Variants in PCSK6 observed in about 807,000 individuals in gnomAD.
PCSK6 encodes the protein proprotein convertase subtilisin/kexin type 6, also known as paired basic amino acid cleaving enzyme 4.
PCSK6 carries 85 observed loss-of-function variants against 123.3 expected under a neutral mutation model. The observed-to-expected ratio is 0.69, with a 90% CI of 0.58 to 0.83. The LOEUF (loss-of-function observed/expected upper bound fraction) is 0.83, where lower values mean the gene tolerates loss of function less well. PCSK6 is among the 40% of genes least tolerant of loss of function. The pLI is 0.00. For missense variants in PCSK6, 1,191 were observed against 1,282.3 expected (o/e 0.93, Z 1.09); for synonymous variants, 508 against 516.0 (o/e 0.98, Z 0.21).
intron 11 of PCSK6, among the ~76,000 whole-genome samples, chr15:101,378,508 C>T (rs75868814): frequency 0.015 from 2,232 of 152,346 alleles, 44 homozygotes; most frequent in African/African-American, 0.038. Context: ...GGCCCTACCC[C>T]GTGTGGGCTC....
intron 1 of PCSK6, among the ~76,000 whole-genome samples, chr15:101,462,617 T>C (rs901041578): frequency 6.6e-6 from 1 of 152,118 alleles, no homozygotes; most frequent in African/African-American, 2.4e-5. Flanking sequence ...TGTATGCAAA[T>C]ACAGAACTTG....
intron 6 of PCSK6, among the ~76,000 whole-genome samples, chr15:101,406,269 C>T (rs1010411677): frequency 6.6e-5 from 10 of 152,110 alleles, no homozygotes; most frequent in East Asian, 1.9e-4. Context: ...CCCTCCTGCC[C>T]GGGGGGATAA....
At chr15:101,449,770 G>C (rs1022539665) in intron 1 of PCSK6, among the ~76,000 whole-genome samples, 1 of 152,146 alleles carries the variant, frequency 6.6e-6, no homozygotes, top group African/African-American at 2.4e-5. Context: ...AACTGCATGA[G>C]ATACCGAGAA....
chr15:101,470,992 C>T (rs1040317987), intron 1 of PCSK6, among the ~76,000 whole-genome samples: 29 of 152,186 alleles, frequency 1.9e-4, no homozygotes, highest in Non-Finnish European at 7.3e-5. Flanking sequence ...CCTACCTTGC[C>T]GTGCCAGGGG....
intron 9 of PCSK6, among the ~76,000 whole-genome samples, chr15:101,384,840 C>T (rs2042014027): frequency 6.6e-6 from 1 of 152,214 alleles, no homozygotes; most frequent in Admixed American, 6.5e-5. Context: ...GGCCGAGATT[C>T]CATCCTGTGT....
At chr15:101,325,143 A>T in intron 16 of PCSK6, 97 bp from the exon 17 acceptor site, 1 of 807,012 alleles carries the variant, frequency 1.2e-6, no homozygotes, top group South Asian at 1.8e-5. Flanking sequence ...AGGCTTCAGG[A>T]GTGAATGTCA....
chr15:101,391,942 T>A (rs918473058), intron 8 of PCSK6, among the ~76,000 whole-genome samples: 1 of 152,216 alleles, frequency 6.6e-6, no homozygotes, highest in African/African-American at 2.4e-5. Flanking sequence ...AGAAAAAGCA[T>A]TTTATAGCCA....
intron 6 of PCSK6, among the ~76,000 whole-genome samples, chr15:101,426,038 C>T (rs1205413689): frequency 1.3e-5 from 2 of 152,318 alleles, no homozygotes; most frequent in Non-Finnish European, 2.9e-5. Context: ...GCATTTCTAA[C>T]GGCTCCCAGA....
intron 1 of PCSK6, among the ~76,000 whole-genome samples, chr15:101,452,950 G>T (rs568986191): frequency 6.6e-6 from 1 of 152,276 alleles, no homozygotes; most frequent in South Asian, 2.1e-4. Flanking sequence ...GTTGAGCTTT[G>T]CCCTGTGCAT....
chr15:101,347,368 T>C, intron 13 of PCSK6: 1 of 1,236,936 alleles, frequency 8.1e-7, no homozygotes, highest in Non-Finnish European at 1.0e-6. Flanking sequence ...AAAGACATTG[T>C]TGAAAGGGCC....
At chr15:101,361,161 T>C (rs991831832) in intron 13 of PCSK6, among the ~76,000 whole-genome samples, 5 of 123,484 alleles carry the variant, frequency 4.0e-5, no homozygotes, top group African/African-American at 1.8e-4. Flanking sequence ...GTTCTTTCTC[T>C]CTCTTTTTTT....
chr15:101,382,392 C>T (rs913670648), intron 10 of PCSK6, among the ~76,000 whole-genome samples, 183 bp from the exon 11 acceptor site: 1 of 152,102 alleles, frequency 6.6e-6, no homozygotes, highest in Non-Finnish European at 1.5e-5. Context: ...AGCTGCCTCA[C>T]TCTCTCTGAA....
At chr15:101,349,848 C>T (rs1231876901) in intron 13 of PCSK6, among the ~76,000 whole-genome samples, 1 of 152,154 alleles carries the variant, frequency 6.6e-6, no homozygotes, top group Non-Finnish European at 1.5e-5. Flanking sequence ...GTTCTACCAT[C>T]TCTGCAACTG....
At chr15:101,335,908 G>C (rs879867901) in intron 13 of PCSK6, among the ~76,000 whole-genome samples, 2 of 152,216 alleles carry the variant, frequency 1.3e-5, no homozygotes, top group African/African-American at 4.8e-5. Flanking sequence ...ACCTGTGCAG[G>C]ATGGTGCTGT....
At chr15:101,368,106 C>T (rs11857193) in intron 12 of PCSK6, among the ~76,000 whole-genome samples, 1,982 of 152,332 alleles carry the variant, frequency 0.013, 26 homozygotes, top group South Asian at 0.029. Flanking sequence ...GTGAGCCACC[C>T]TTCCTGGGCT....
At chr15:101,422,170 T>C (rs940143061) in intron 6 of PCSK6, among the ~76,000 whole-genome samples, 10 of 152,334 alleles carry the variant, frequency 6.6e-5, no homozygotes, top group Non-Finnish European at 8.8e-5. Context: ...TGTCATCTTA[T>C]TCTCCAGAGG....
chr15:101,329,993 T>C (rs928320641), intron 15 of PCSK6, among the ~76,000 whole-genome samples: 4 of 152,220 alleles, frequency 2.6e-5, no homozygotes, highest in Admixed American at 2.6e-4. Context: ...AATCCCAGTC[T>C]CTGGGCGGGG....
intron 20 of PCSK6, 81 bp downstream of exon 20, chr15:101,313,295 G>A: frequency 3.7e-6 from 6 of 1,608,994 alleles, no homozygotes; most frequent in Non-Finnish European, 5.1e-6. Context: ...GGCCCCTGGG[G>A]AAGATGCTGC....
intron 1 of PCSK6, among the ~76,000 whole-genome samples, chr15:101,478,226 T>C (rs1030349529): frequency 6.6e-6 from 1 of 152,158 alleles, no homozygotes; most frequent in Non-Finnish European, 1.5e-5. Flanking sequence ...CTCAGTTTGC[T>C]CATCTGTGTA....
Sources: allele counts gnomAD v4.1 joint callset (sites outside exome capture counted in the v4.1 genomes callset), GRCh38; gene constraint gnomAD v4.1.1; transcripts MANE v1.5; gene names NCBI Gene and HGNC (gene_info 2026-07-23, HGNC 2026-07-21).